The following ZNF385B variants were observed in gnomAD, a reference collection of about 807,000 sequenced individuals.
ZNF385B encodes the protein zinc finger protein 533.
Under a neutral mutation model 39.2 loss-of-function variants are expected in ZNF385B, and 23 were observed. The ratio of observed to expected loss-of-function variants is 0.59; its 90% confidence interval spans 0.42 to 0.83. The LOEUF is 0.83. Among genes scored for constraint, ZNF385B ranks in the 40% least tolerant of loss-of-function variants. The pLI is 0.00. For synonymous variants in ZNF385B, 205 were observed against 222.6 expected, an observed-to-expected ratio of 0.92 and a Z score of 0.70; for missense variants, 552 against 598.9, an observed-to-expected ratio of 0.92 and a Z score of 0.82.
At chr2:179,472,113 A>G (rs1464329002) in intron 6 of ZNF385B, among the ~76,000 whole-genome samples, 1 of 152,192 alleles carries the variant, frequency 6.6e-6, no homozygotes, top group Non-Finnish European at 1.5e-5. Context: ...ACACATCATT[A>G]TGGTTCTTGA....
chr2:179,756,755 G>T (rs1703051237), intron 3 of ZNF385B, among the ~76,000 whole-genome samples: 1 of 152,004 alleles, frequency 6.6e-6, no homozygotes, highest in African/African-American at 2.4e-5. Context: ...CTTTCTTCCA[G>T]TTGATCGAAT....
intron 6 of ZNF385B, among the ~76,000 whole-genome samples, chr2:179,466,801 A>T (rs923696086): frequency 8.0e-5 from 12 of 150,834 alleles, no homozygotes; most frequent in Non-Finnish European, 1.8e-4. Flanking sequence ...CACATCTGTA[A>T]TCCCAGCTAC....
chr2:179,860,446 C>T (rs1684953084), intron 1 of ZNF385B, among the ~76,000 whole-genome samples: 1 of 152,164 alleles, frequency 6.6e-6, no homozygotes, highest in African/African-American at 2.4e-5. Context: ...ATGGTCCTCC[C>T]CCTCCCCTTC....
intron 3 of ZNF385B, among the ~76,000 whole-genome samples, chr2:179,629,593 C>A (rs901180752): frequency 1.3e-5 from 2 of 152,160 alleles, no homozygotes; most frequent in African/African-American, 2.4e-5. Flanking sequence ...CAGCTCCCAG[C>A]GTGATCAATG....
At chr2:179,709,868 C>T (rs962538465) in intron 3 of ZNF385B, among the ~76,000 whole-genome samples, 4 of 152,176 alleles carry the variant, frequency 2.6e-5, no homozygotes, top group Non-Finnish European at 5.9e-5. Context: ...CACAGAGCTA[C>T]TGCAGGCATA....
intron 3 of ZNF385B, among the ~76,000 whole-genome samples, chr2:179,668,581 C>A (rs1695487153): frequency 6.7e-6 from 1 of 150,144 alleles, no homozygotes; most frequent in African/African-American, 2.4e-5. Context: ...TTTTGCTCTA[C>A]AAGTTCATCT....
chr2:179,443,081 C>A lies in ZNF385B; in HGVS notation c.*169G>T. 1.3e-6 allele frequency: 1 copy of A among 751,508 alleles called. No individual in the cohort carries two copies. The highest frequency in any genetic ancestry group is 2.1e-5 in the Admixed American group (1 of 47,928). 46.6% of individuals were successfully genotyped at this position (751,508 alleles called of 1,614,324 possible). A position where few individuals can be genotyped will look rare whatever the true frequency, so the allele number is the denominator to read the frequency against. On this transcript the variant is annotated 3_prime_UTR_variant, in exon 10 of 10. Transcript: ENST00000410066. ...ATTATAGGAGCAGTCTCTAAAAGCC[C>A]TCGTCAATCTAGTGATGTGTTTCTC...
At chr2:179,536,554 T>TC (rs1447875382) in intron 4 of ZNF385B, 4 of 152,134 alleles carry the variant, frequency 2.6e-5, no homozygotes, top group Non-Finnish European at 4.4e-5. Context: ...TTTTACCTCA[T>TC]AAAGGACCAT....
intron 1 of ZNF385B, among the ~76,000 whole-genome samples, chr2:179,784,115 A>G (rs1016332240): frequency 1.3e-5 from 2 of 152,180 alleles, no homozygotes; most frequent in African/African-American, 2.4e-5. Flanking sequence ...AACGTGGTAA[A>G]TGTATGCCAT....
At chr2:179,542,920 T>G (rs62179172) in intron 4 of ZNF385B, among the ~76,000 whole-genome samples, 2 of 152,090 alleles carry the variant, frequency 1.3e-5, no homozygotes, top group Admixed American at 6.6e-5. Flanking sequence ...CCTCAAATGC[T>G]AAAGTTTTAT....
At chr2:179,769,400 C>T in intron 3 of ZNF385B, 103 bp downstream of exon 3, 1 of 1,507,964 alleles carries the variant, frequency 6.6e-7, no homozygotes, top group Non-Finnish European at 8.9e-7. Context: ...ATCATGGTAG[C>T]CCAGTTTTAA....
At position 179,657,171 on chromosome 2, in the gene ZNF385B, G is replaced by A. The variant is rs1033049801; in HGVS notation, c.299-112202C>T. On this transcript the variant is annotated intron_variant, in intron 3 of 9. Coordinates refer to ENST00000410066, the MANE Select transcript of ZNF385B (RefSeq NM_152520.6). ...CACAACTGTACTTCAGTCCAGTCCCGTTGAACATATTAACACAAGTATTTG... is the reference window on the plus strand; with the variant it reads ...CACAACTGTACTTCAGTCCAGTCCCATTGAACATATTAACACAAGTATTTG... 5.9e-5 allele frequency among the ~76,000 whole-genome samples: 9 copies of A among 152,048 alleles called. No individual in the cohort carries two copies. The South Asian group carries it at 8.3e-4, about 14-fold the overall frequency.
At position 179,711,881 on chromosome 2, in the gene ZNF385B, ATTTT is replaced by A. The variant is rs747336802; in HGVS notation, c.298+57618_298+57621del. On this transcript the variant is annotated intron_variant, in intron 3 of 9. Coordinates refer to ENST00000410066, the MANE Select transcript of ZNF385B (RefSeq NM_152520.6). ...ACTGCAAAAATGCTATATAAACTGC[ATTTT>A]TTTTTTTTTTTTTTTTTTTTTTACA... 4.1e-4 allele frequency among the ~76,000 whole-genome samples: 37 copies of A among 90,916 alleles called. 1 individual carries two copies. Among genetic ancestry groups the A allele is most frequent in the African/African-American group, 3.1e-4 (7 of 22,728 alleles). 59.6% of individuals were successfully genotyped at this position (90,916 alleles called of 152,430 possible). A position where few individuals can be genotyped will look rare whatever the true frequency, so the allele number is the denominator to read the frequency against.
intron 3 of ZNF385B, among the ~76,000 whole-genome samples, chr2:179,634,047 A>G (rs958841333): frequency 6.6e-6 from 1 of 152,246 alleles, no homozygotes; most frequent in Non-Finnish European, 1.5e-5. Context: ...CACCTTATAC[A>G]AAAATTAATT....
chr2:179,769,698 G>T lies in ZNF385B; in HGVS notation c.103C>A (p.Pro35Thr), dbSNP rs990384763. The T allele has an allele frequency of 3.7e-6, 6 of 1,614,152 alleles. No individual in the cohort carries two copies. The highest frequency in any genetic ancestry group is 1.3e-5 in the African/African-American group (1 of 75,030). The change falls in exon 3 of 10, where the codon CCT becomes ACT. Residue 35 changes from proline (P) to threonine (T), a missense_variant. Physicochemically the swap from Pro to Thr is conservative, Grantham distance 38. Coordinates refer to ENST00000410066, the MANE Select transcript of ZNF385B (RefSeq NM_152520.6). ...TTCTCTTTGCTCAACTGGTCCTCAG[G>T]CCTGTCGTTCTTTATCCCCTTTTCT... ...FEEKGIKNDR[P>T]EDQLSKEKKK...
At chr2:179,673,781 A>C (rs1207266292) in intron 3 of ZNF385B, among the ~76,000 whole-genome samples, 1 of 151,328 alleles carries the variant, frequency 6.6e-6, no homozygotes, top group Non-Finnish European at 1.5e-5. Context: ...GACAATACTC[A>C]TATTCTAGTT....
intron 7 of ZNF385B, 66 bp from the exon 8 acceptor site, chr2:179,445,794 A>T (rs1001052846): frequency 5.0e-5 from 71 of 1,426,062 alleles, no homozygotes; most frequent in Admixed American, 5.3e-5. Context: ...TTGTTTTCTT[A>T]TCCTTGAGAA....
intron 1 of ZNF385B, among the ~76,000 whole-genome samples, chr2:179,843,777 C>T (rs1360737046): frequency 1.3e-5 from 2 of 152,226 alleles, no homozygotes; most frequent in Non-Finnish European, 2.9e-5. Context: ...CAAACTCAAT[C>T]TACCTTCAAC....
At chr2:179,547,648 G>C (rs2060317434) in intron 3 of ZNF385B, among the ~76,000 whole-genome samples, 1 of 149,496 alleles carries the variant, frequency 6.7e-6, no homozygotes, top group Non-Finnish European at 1.5e-5. Flanking sequence ...GTCAGGTAAT[G>C]TGATTCCTCC....
Sources: allele counts gnomAD v4.1 joint callset (sites outside exome capture counted in the v4.1 genomes callset), GRCh38; gene constraint gnomAD v4.1.1; transcripts MANE v1.5; gene names NCBI Gene and HGNC (gene_info 2026-07-23, HGNC 2026-07-21).